FCRL3: variants seen among roughly 807,000 people sequenced by gnomAD.
FCRL3 encodes the protein Fc receptor like 3.
In FCRL3, 89 loss-of-function variants were observed where a neutral mutation model predicts 75.0. That is an observed-to-expected ratio of 1.19 (90% CI 1.00 to 1.42). The LOEUF (loss-of-function observed/expected upper bound fraction) is 1.42. Ranked by LOEUF, FCRL3 falls within the 40% of genes most tolerant of loss-of-function variation. The probability of loss-of-function intolerance (pLI) is 0.00; values close to 1 mark genes in which losing one functional copy is unlikely to be tolerated. For missense variants in FCRL3, 946 were observed against 880.0 expected, an observed-to-expected ratio of 1.07 and a Z score of -0.95; for synonymous variants, 376 against 348.5, an observed-to-expected ratio of 1.08 and a Z score of -0.88.
chr1:157,695,311 T>C lies in FCRL3; in HGVS notation c.1411+18A>G. 6.2e-7 allele frequency: 1 copy of C among 1,605,324 alleles called. No homozygotes were observed. The highest frequency in any genetic ancestry group is 8.5e-7 in the Non-Finnish European group (1 of 1,174,976). ...CTGTTGTATTGGCTGTTAACTGCTG[T>C]GGGTATATCTTGCTTACCTGTGACC... On this transcript the variant is annotated intron_variant, in intron 8 of 14. Coordinates refer to ENST00000368184, the MANE Select transcript of FCRL3 (RefSeq NM_052939.4).
At chr1:157,698,673 G>A in intron 3 of FCRL3, 44 bp from the exon 4 acceptor site, 3 of 1,608,602 alleles carry the variant, frequency 1.9e-6, no homozygotes, top group East Asian at 2.2e-5. Flanking sequence ...AGGTCAATGG[G>A]AGGTGGGCAC....
At chr1:157,689,359 A>C (rs1335681950) in intron 10 of FCRL3, among the ~76,000 whole-genome samples, 3 of 152,226 alleles carry the variant, frequency 2.0e-5, no homozygotes, top group Admixed American at 6.5e-5. Flanking sequence ...TCTATACACT[A>C]GCAACAATCG....
In FCRL3 at chr1:157,678,541, C is replaced by T. The variant is rs957278819; in HGVS notation, c.*169G>A. On this transcript the variant is annotated 3_prime_UTR_variant, in exon 15 of 15. Transcript: ENST00000368184. Reference sequence around the variant, plus strand: ...GGCTGCCTGCTCTCTTCCTGGGGAACACACAGATCAGGCACAGGGGAGATT... The same window carrying T: ...GGCTGCCTGCTCTCTTCCTGGGGAATACACAGATCAGGCACAGGGGAGATT... The T allele has an allele frequency of 2.1e-6, 3 of 1,459,960 alleles. No individual in the cohort carries two copies. Among genetic ancestry groups the T allele is most frequent in the Non-Finnish European group, 1.8e-6 (2 of 1,113,824 alleles). 90.4% of individuals were successfully genotyped at this position (1,459,960 alleles called of 1,614,324 possible).
chr1:157,678,773 A>T lies in FCRL3; in HGVS notation c.2142T>A (p.His714Gln), dbSNP rs752640441. Residue 714 changes from histidine (H) to glutamine (Q), a missense_variant, in exon 15 of 15, where the codon CAT becomes CAA. Physicochemically the swap from His to Gln is conservative, Grantham distance 24 (BLOSUM62 0). Transcript: ENST00000368184. ...AGEASSRGRAHEEDDEENYEN... is the reference protein window; with the variant it reads ...AGEASSRGRAQEEDDEENYEN... Reference sequence around the variant, plus strand: ...CATAGTTTTCTTCATCATCTTCTTCATGGGCCCTGCCTCTGCTGCTAGCCT... The same window carrying T: ...CATAGTTTTCTTCATCATCTTCTTCTTGGGCCCTGCCTCTGCTGCTAGCCT... 1.9e-6 allele frequency: 3 copies of T among 1,613,906 alleles called. No homozygotes were observed. In the African/African-American group the frequency reaches 4.0e-5, roughly 22 times the overall value.
In FCRL3 at chr1:157,690,257, G is replaced by A; in HGVS notation, c.1688C>T (p.Thr563Ile). The A allele has an allele frequency of 2.5e-6, 4 of 1,614,112 alleles. No individual in the cohort carries two copies. In the African/African-American group the frequency reaches 5.3e-5, roughly 22 times the overall value. ...TAGCCCAGGTACTATTAACACACCT[G>A]TAACATTGAGTGTCACCACTTTACT... ...QHSKVVTLNVTGTSRNRTGLT... is the reference protein window; with the variant it reads ...QHSKVVTLNVIGTSRNRTGLT... The change falls in exon 9 of 15, where the codon ACA becomes ATA. Residue 563 changes from threonine (T) to isoleucine (I), a missense_variant and splice_region_variant. Thr to Ile is a moderately conservative substitution (Grantham distance 89, BLOSUM62 -1). Transcript: ENST00000368184.
intron 8 of FCRL3, among the ~76,000 whole-genome samples, chr1:157,694,418 A>G (rs1456999919): frequency 6.6e-6 from 1 of 152,238 alleles, no homozygotes. Context: ...AAGGATTATT[A>G]TTAACCAAAA....
chr1:157,697,123 GC>G lies in FCRL3; in HGVS notation c.844+16del, dbSNP rs770740367. On this transcript the variant is annotated intron_variant, in intron 6 of 14. Coordinates refer to ENST00000368184, the MANE Select transcript of FCRL3 (RefSeq NM_052939.4). ...CCCCAGCTCTGACTCTGGAAGAGCA[GC>G]CCCTTAGACACTCACTCTGTACACG... 7.1e-7 allele frequency: 1 copy of G among 1,417,430 alleles called. No homozygotes were observed. The highest frequency in any genetic ancestry group is 2.5e-5 in the Admixed American group (1 of 39,338). The allele number at this position is 1,417,430 out of a possible 1,614,324, so 87.8% of individuals were successfully genotyped here.
At chr1:157,694,796 G>C (rs369303470) in intron 8 of FCRL3, among the ~76,000 whole-genome samples, 18 of 152,246 alleles carry the variant, frequency 1.2e-4, no homozygotes, top group Admixed American at 5.9e-4. Context: ...AGGTTAGATA[G>C]GTCACTAGAA....
intron 11 of FCRL3, 94 bp downstream of exon 11, chr1:157,683,123 G>A: frequency 3.6e-6 from 5 of 1,380,052 alleles, no homozygotes; most frequent in Middle Eastern, 1.8e-4. Flanking sequence ...ATGCTACTAG[G>A]AAATCCATTG....
In FCRL3 at chr1:157,697,824, C is replaced by A. The variant is rs1318234267; in HGVS notation, c.394G>T (p.Val132Phe). The A allele has an allele frequency of 1.2e-6, 2 of 1,613,988 alleles. No homozygotes were observed. Among genetic ancestry groups the A allele is most frequent in the African/African-American group, 2.7e-5 (2 of 74,918 alleles). ...AGCTGTTTTCCATCCTTGTAGTAAACCTTTTGATGAGTGTTTTTGTTGTCT... is the reference window on the plus strand; with the variant it reads ...AGCTGTTTTCCATCCTTGTAGTAAAACTTTTGATGAGTGTTTTTGTTGTCT... ...GKDNKNTHQK[V>F]YYKDGKQLPN... Residue 132 changes from valine (V) to phenylalanine (F), a missense_variant, in exon 5 of 15, where the codon GTT becomes TTT. By Grantham distance (50) the Val-to-Phe change is conservative. Transcript: ENST00000368184.
At position 157,697,209 on chromosome 1, in the gene FCRL3, A is replaced by T; in HGVS notation, c.775T>A (p.Trp259Arg). The part of the protein sequence containing the change: ...AMWTEDSGSY[W>R]CEVETVTHSI... ...TGAGTCACTGTCTCCACCTCACACC[A>T]GTAAGACCCTGAGTCTTCAGTCCAC... The change falls in exon 6 of 15, where the codon TGG becomes AGG. Residue 259 changes from tryptophan (W) to arginine (R), a missense_variant. Transcript: ENST00000368184. 1 of 1,582,688 alleles carries T rather than the reference A, an allele frequency of 6.3e-7. No homozygotes were observed. Among genetic ancestry groups the T allele is most frequent in the Non-Finnish European group, 8.6e-7 (1 of 1,163,882 alleles).
Position 157,686,861 on chromosome 1 carries a change from T to C in FCRL3, c.1810+2937A>G, listed in dbSNP as rs556876959. 5.9e-5 allele frequency among the ~76,000 whole-genome samples: 9 copies of C among 152,230 alleles called. No homozygotes were observed. The South Asian group carries it at 1.9e-3, about 32-fold the overall frequency. ...CTAGAGGAAAACCTAGGAAATACAA[T>C]CCTTGACATCAGCTTTGGCCAAGAA... On this transcript the variant is annotated intron_variant, in intron 10 of 14. Coordinates refer to ENST00000368184, the MANE Select transcript of FCRL3 (RefSeq NM_052939.4).
chr1:157,694,998 A>C (rs1194146100), intron 8 of FCRL3, among the ~76,000 whole-genome samples: 1 of 152,046 alleles, frequency 6.6e-6, no homozygotes, highest in Non-Finnish European at 1.5e-5. Flanking sequence ...GAATTCAGAA[A>C]TAAAGGCTTT....
chr1:157,690,334 T>G lies in FCRL3; in HGVS notation c.1611A>C (p.Glu537Asp). Residue 537 changes from glutamate to aspartate, a missense_variant, in exon 9 of 15, where the codon GAA becomes GAC. By Grantham distance (45) the Glu-to-Asp change is conservative (BLOSUM62 2). Coordinates refer to ENST00000368184, the MANE Select transcript of FCRL3 (RefSeq NM_052939.4). ...GASFNLSLTTEHSGNYSCEAD... is the reference protein window; with the variant it reads ...GASFNLSLTTDHSGNYSCEAD... ...CCTCACATGAGTAGTTTCCAGAATGTTCTGTAGTCAGAGAGAGGTTGAAGG... is the reference window on the plus strand; with the variant it reads ...CCTCACATGAGTAGTTTCCAGAATGGTCTGTAGTCAGAGAGAGGTTGAAGG... 1 of 1,614,242 alleles carries G rather than the reference T, an allele frequency of 6.2e-7. No homozygotes were observed. Among genetic ancestry groups the G allele is most frequent in the Non-Finnish European group, 8.5e-7 (1 of 1,180,042 alleles).
intron 10 of FCRL3, among the ~76,000 whole-genome samples, chr1:157,687,172 C>A (rs1283206666): frequency 1.3e-5 from 2 of 151,026 alleles, no homozygotes; most frequent in Non-Finnish European, 3.0e-5. Flanking sequence ...AAGCAGCCAA[C>A]AAACATAAAA....
intron 10 of FCRL3, among the ~76,000 whole-genome samples, chr1:157,684,707 A>G (rs969560756): frequency 1.3e-5 from 2 of 152,214 alleles, no homozygotes; most frequent in Non-Finnish European, 2.9e-5. Context: ...ACCACTTCAT[A>G]GATGAAGAAA....
In FCRL3 at chr1:157,689,803, T is replaced by C. The variant is rs1403753369; in HGVS notation, c.1805A>G (p.Lys602Arg). 1 of 1,614,110 alleles carries C rather than the reference T, an allele frequency of 6.2e-7. No individual in the cohort carries two copies. The highest frequency in any genetic ancestry group is 1.7e-5 in the Admixed American group (1 of 60,012). ...GGTAGGACCTAGACACCCACCTGGT[T>C]TCCTTCGGGCCCTGGCGTAATGCAG... Reference protein sequence around the residue: ...ALLHYARARRKPGGLSATGTS... With the variant: ...ALLHYARARRRPGGLSATGTS... The change falls in exon 10 of 15, where the codon AAA becomes AGA. Residue 602 changes from lysine (K) to arginine (R), a missense_variant. By Grantham distance (26) the Lys-to-Arg change is conservative. Coordinates refer to ENST00000368184, the MANE Select transcript of FCRL3 (RefSeq NM_052939.4).
Position 157,677,012 on chromosome 1 carries a change from C to A in FCRL3, c.*1698G>T, listed in dbSNP as rs751829482. On this transcript the variant is annotated 3_prime_UTR_variant, in exon 15 of 15. Coordinates refer to ENST00000368184, the MANE Select transcript of FCRL3 (RefSeq NM_052939.4). ...ATTTGCCTCCTCCCTCTTCAAGGGA[C>A]CTTAAAATTTTAATGCCAATATGAA... 7 of 1,288,256 alleles carry A rather than the reference C, an allele frequency of 5.4e-6. No individual in the cohort carries two copies. In the South Asian group the frequency reaches 1.2e-4, roughly 22 times the overall value. 79.8% of individuals were successfully genotyped at this position (1,288,256 alleles called of 1,614,324 possible).
intron 13 of FCRL3, among the ~76,000 whole-genome samples, chr1:157,680,069 T>C (rs1283031822): frequency 2.6e-5 from 4 of 152,294 alleles, no homozygotes; most frequent in African/African-American, 7.2e-5. Flanking sequence ...ACCTGATCTA[T>C]GTCTTGAAAT....
Sources: allele counts gnomAD v4.1 joint callset (sites outside exome capture counted in the v4.1 genomes callset), GRCh38; gene constraint gnomAD v4.1.1; transcripts MANE v1.5; gene names NCBI Gene and HGNC (gene_info 2026-07-23, HGNC 2026-07-21).